Variants in SHROOM3 observed in about 807,000 individuals in gnomAD.
The protein encoded by SHROOM3 is shroom family member 3.
Under a neutral mutation model 138.6 loss-of-function variants are expected in SHROOM3, and 47 were observed. The ratio of observed to expected loss-of-function variants is 0.34; its 90% CI spans 0.27 to 0.43. SHROOM3 has a LOEUF of 0.43. Among genes scored for constraint, SHROOM3 ranks in the 20% least tolerant of loss-of-function variants. SHROOM3 has a pLI of 1.00. For missense variants in SHROOM3, 2,491 were observed against 2,596.5 expected, an observed-to-expected ratio of 0.96 and a Z score of 0.88; for synonymous variants, 1,062 against 1,063.3, an observed-to-expected ratio of 1.00 and a Z score of 0.02.
chr4:76,669,018 G>A (rs2110096994), intron 2 of SHROOM3, among the ~76,000 whole-genome samples: 1 of 152,292 alleles, frequency 6.6e-6, no homozygotes, highest in South Asian at 2.1e-4. Context: ...CCAATGGTAT[G>A]TTTTGATTGA....
Position 76,741,894 on chromosome 4 carries a change from A to G in SHROOM3, c.3721A>G (p.Arg1241Gly). The change falls in exon 5 of 11, where the codon AGG becomes GGG. Residue 1241 changes from arginine (R) to glycine (G), a missense_variant. Around this residue, in one of 4 missense-constraint regions of SHROOM3, gnomAD observed 1,733 missense variants for 1,661.6 expected, o/e 1.04. Transcript: ENST00000296043. This position sits in a 1 kb window ranked among gnomAD's most constrained non-coding sequence, Gnocchi z 6.2. ...VLAGPVHVRSRSSPATADKRQ... is the reference protein window; with the variant it reads ...VLAGPVHVRSGSSPATADKRQ... ...TGCGGGCCCTGTCCATGTGAGGTCCAGGTCATCTCCCGCCACCGCAGACAA... is the reference window on the plus strand; with the variant it reads ...TGCGGGCCCTGTCCATGTGAGGTCCGGGTCATCTCCCGCCACCGCAGACAA... 6.2e-7 allele frequency: 1 copy of G among 1,612,316 alleles called. No homozygotes were observed. The highest frequency in any genetic ancestry group is 8.5e-7 in the Non-Finnish European group (1 of 1,179,946).
At chr4:76,591,203 C>A (rs17002103) in intron 2 of SHROOM3, among the ~76,000 whole-genome samples, 1 of 152,028 alleles carries the variant, frequency 6.6e-6, no homozygotes, top group African/African-American at 2.4e-5. Flanking sequence ...GCATTGTACC[C>A]CTTACCAGGC....
intron 1 of SHROOM3, among the ~76,000 whole-genome samples, chr4:76,534,365 T>C (rs1732904232): frequency 6.6e-6 from 1 of 152,186 alleles, no homozygotes; most frequent in Non-Finnish European, 1.5e-5. Flanking sequence ...GTGTTTACCA[T>C]GGTCACAGCC....
At position 76,483,309 on chromosome 4, in the gene SHROOM3, A is replaced by G. The variant is rs182854852; in HGVS notation, c.168+47089A>G. Reference sequence around the variant, plus strand: ...GAACTTAAACAAATTTATAAGAAAAAAACAACCCCATCAAAAAGTGAGCGA... The same window carrying G: ...GAACTTAAACAAATTTATAAGAAAAGAACAACCCCATCAAAAAGTGAGCGA... On this transcript the variant is annotated intron_variant, in intron 1 of 10. Coordinates refer to ENST00000296043, the MANE Select transcript of SHROOM3 (RefSeq NM_020859.4). 3.6e-3 allele frequency among the ~76,000 whole-genome samples: 547 copies of G among 152,310 alleles called. 1 individual carries two copies. The highest frequency in any genetic ancestry group is 5.3e-3 in the Non-Finnish European group (363 of 68,022).
chr4:76,754,292 T>C lies in SHROOM3; in HGVS notation c.3828-19T>C. 1 of 1,614,114 alleles carries C rather than the reference T, an allele frequency of 6.2e-7. No homozygotes were observed. Among genetic ancestry groups the C allele is most frequent in the South Asian group, 1.1e-5 (1 of 91,004 alleles). On this transcript the variant is annotated intron_variant, in intron 6 of 10. Transcript: ENST00000296043. ...CCTTTCTTCAGAGCTGTAACCCTCC[T>C]GTCTGTGTGCCGTTCCAGGTCACTC...
intron 1 of SHROOM3, among the ~76,000 whole-genome samples, chr4:76,529,626 G>A (rs1440247661): frequency 6.6e-6 from 1 of 152,106 alleles, no homozygotes; most frequent in African/African-American, 2.4e-5. Flanking sequence ...AGCCCAGCCT[G>A]TAGGATTTTT....
chr4:76,528,894 C>T (rs775580033), intron 1 of SHROOM3, among the ~76,000 whole-genome samples: 1 of 152,142 alleles, frequency 6.6e-6, no homozygotes, highest in Non-Finnish European at 1.5e-5. Context: ...GAAGAATGAT[C>T]TTGGTTCCTG....
At chr4:76,558,700 A>G (rs1007333232) in intron 2 of SHROOM3, among the ~76,000 whole-genome samples, 3 of 152,246 alleles carry the variant, frequency 2.0e-5, no homozygotes, top group South Asian at 2.1e-4. Flanking sequence ...AAAGACAACT[A>G]TAAGTGAAAA....
chr4:76,702,780 T>C (rs1719939755), intron 2 of SHROOM3, among the ~76,000 whole-genome samples: 1 of 152,182 alleles, frequency 6.6e-6, no homozygotes, highest in African/African-American at 2.4e-5. Flanking sequence ...CCTGGGCTAC[T>C]AGCTGTGTCA....
intron 8 of SHROOM3, chr4:76,758,731 G>A (rs772753065): frequency 6.6e-6 from 1 of 152,146 alleles, no homozygotes; most frequent in African/African-American, 2.4e-5. Flanking sequence ...TGTGTGTGTG[G>A]TTCCTAATTT....
At chr4:76,438,170 C>T (rs150290703) in intron 1 of SHROOM3, among the ~76,000 whole-genome samples, 7 of 152,338 alleles carry the variant, frequency 4.6e-5, no homozygotes, top group African/African-American at 1.7e-4. Flanking sequence ...ATTTATTTCT[C>T]TGACATAACA....
intron 2 of SHROOM3, among the ~76,000 whole-genome samples, chr4:76,565,159 T>A (rs1186764605): frequency 1.3e-5 from 1 of 75,686 alleles, no homozygotes; most frequent in Non-Finnish European, 2.7e-5. Flanking sequence ...AGACTCCATT[T>A]CAAAAAAAAA....
intron 1 of SHROOM3, among the ~76,000 whole-genome samples, chr4:76,521,574 T>C (rs1732566556): frequency 6.6e-6 from 1 of 152,214 alleles, no homozygotes; most frequent in Non-Finnish European, 1.5e-5. Flanking sequence ...ACCACTCTAC[T>C]TGCACAATAG....
chr4:76,590,677 CT>C (rs1388007997), intron 2 of SHROOM3, among the ~76,000 whole-genome samples: 6 of 152,018 alleles, frequency 3.9e-5, no homozygotes, highest in African/African-American at 1.4e-4. Context: ...GCAATTTGTA[CT>C]TGGTGTTGAG....
Position 76,549,619 on chromosome 4 carries a change from G to T in SHROOM3, c.169-5990G>T, listed in dbSNP as rs575944349. 7.2e-5 allele frequency among the ~76,000 whole-genome samples: 11 copies of T among 152,140 alleles called. No individual in the cohort carries two copies. The East Asian group carries it at 2.1e-3, about 29-fold the overall frequency. On this transcript the variant is annotated intron_variant, in intron 1 of 10. Transcript: ENST00000296043. ...CCTGACCTTGTGATCTGCCTGCCTT[G>T]GCCTCCCAAAGTGCTGGGATTATAG...
At chr4:76,620,269 C>G (rs942503882) in intron 2 of SHROOM3, among the ~76,000 whole-genome samples, 9 of 151,884 alleles carry the variant, frequency 5.9e-5, no homozygotes, top group Non-Finnish European at 1.3e-4. Context: ...TTGGAGAGGT[C>G]TTGGGCTCTG....
intron 1 of SHROOM3, among the ~76,000 whole-genome samples, chr4:76,480,637 A>G (rs1731588716): frequency 6.6e-6 from 1 of 152,228 alleles, no homozygotes; most frequent in South Asian, 2.1e-4. Context: ...AGCTGACCTA[A>G]TAGACATCTA....
chr4:76,693,979 A>AAC (rs34630048), intron 2 of SHROOM3, among the ~76,000 whole-genome samples: 101,898 of 151,566 alleles, frequency 0.67, 35,390 homozygotes, highest in East Asian at 0.94. Context: ...TAGAAAAAAA[A>AAC]AACAAAACTC....
chr4:76,700,783 T>G (rs1324387434), intron 2 of SHROOM3, among the ~76,000 whole-genome samples: 1 of 151,892 alleles, frequency 6.6e-6, no homozygotes, highest in East Asian at 1.9e-4. Flanking sequence ...TTTCTTTTAT[T>G]TATTTATTTA....
Sources: gnomAD v4.1 joint callset for allele counts (sites outside exome capture counted in the v4.1 genomes callset) on GRCh38, gnomAD v4.1.1 for gene constraint, gnomAD v4.1.1 regional missense constraint, Gnocchi (gnomAD v3.1) non-coding constraint, MANE v1.5 for transcripts, NCBI Gene and HGNC (gene_info 2026-07-23, HGNC 2026-07-21) for gene names.